ANKRD44: variants seen among roughly 807,000 people sequenced by gnomAD.
The protein encoded by ANKRD44 is ankyrin repeat domain 44, also known as serine/threonine-protein phosphatase 6 regulatory ankyrin repeat subunit B.
ANKRD44 carries 35 observed loss-of-function variants against 116.0 expected under a neutral mutation model. That is an observed-to-expected ratio of 0.30 (90% CI 0.23 to 0.40). The LOEUF (loss-of-function observed/expected upper bound fraction) is 0.40. Ranked by LOEUF, ANKRD44 falls within the 10% of genes least tolerant of loss-of-function variation. The pLI, the probability that ANKRD44 is intolerant of heterozygous loss-of-function variation, is 1.00. For synonymous variants in ANKRD44, 435 were observed against 461.8 expected (o/e 0.94, Z 0.74); for missense variants, 1,014 against 1,242.6 (o/e 0.82, Z 2.77).
intron 13 of ANKRD44, 60 bp from the exon 14 acceptor site, chr2:197,083,569 C>A: frequency 1.3e-6 from 2 of 1,557,320 alleles, no homozygotes; most frequent in Non-Finnish European, 1.7e-6. Context: ...CTGTTGTTGG[C>A]ACTAGCACTG....
intron 1 of ANKRD44, among the ~76,000 whole-genome samples, chr2:197,191,959 T>C (rs2579411): frequency 0.39 from 59,989 of 151,986 alleles, 15,318 homozygotes; most frequent in African/African-American, 0.73. Context: ...GTCAATTCCA[T>C]GAAAAAAATA....
chr2:197,103,579 T>C (rs1373848110), intron 9 of ANKRD44, among the ~76,000 whole-genome samples: 1 of 152,204 alleles, frequency 6.6e-6, no homozygotes, highest in African/African-American at 2.4e-5. Context: ...TTTGTACTGA[T>C]GTCTAAACCA....
chr2:197,000,634 A>G (rs1269879069), intron 22 of ANKRD44, 132 bp from the exon 23 acceptor site: 5 of 703,120 alleles, frequency 7.1e-6, no homozygotes, highest in South Asian at 1.8e-5. Flanking sequence ...TATTTGTGGT[A>G]TATGTTTCAA....
At chr2:197,023,138 G>A (rs1405498472) in intron 17 of ANKRD44, among the ~76,000 whole-genome samples, 2 of 152,170 alleles carry the variant, frequency 1.3e-5, no homozygotes, top group Non-Finnish European at 2.9e-5. Flanking sequence ...GCTAGCTCAT[G>A]GCACATATGT....
At chr2:197,054,980 T>A (rs1223411527) in intron 16 of ANKRD44, among the ~76,000 whole-genome samples, 1 of 152,284 alleles carries the variant, frequency 6.6e-6, no homozygotes. Flanking sequence ...CAAATCTCCC[T>A]CACAGAGCAA....
intron 4 of ANKRD44, among the ~76,000 whole-genome samples, chr2:197,131,846 G>C (rs536388004): frequency 6.6e-6 from 1 of 152,120 alleles, no homozygotes; most frequent in Non-Finnish European, 1.5e-5. Context: ...TTCCATAAAC[G>C]TGCGTTAGAC....
intron 1 of ANKRD44, among the ~76,000 whole-genome samples, chr2:197,189,700 A>G (rs1362833448): frequency 1.3e-5 from 2 of 152,226 alleles, no homozygotes; most frequent in African/African-American, 4.8e-5. Flanking sequence ...AACCTCCACA[A>G]CCAGAGAACG....
At position 197,310,583 on chromosome 2, in the gene ANKRD44, C is replaced by G. The variant is rs2084228010; in HGVS notation, c.22G>C (p.Asp8His). MAVLKLTDQPPLVQAIFS... is the reference protein window; with the variant it reads MAVLKLTHQPPLVQAIFS... ...CCGGCGCCGCCGCCCGCTACCTGGT[C>G]GGTGAGTTTGAGCACTGCCATTCTT... The change falls in exon 1 of 28, where the codon GAC (aspartate) becomes CAC (histidine). Residue 8 changes from aspartate to histidine, a missense_variant. Physicochemically the swap from Asp to His is moderately conservative, Grantham distance 81. Coordinates refer to ENST00000282272, the MANE Select transcript of ANKRD44 (RefSeq NM_001195144.2). 7.9e-7 allele frequency: 1 copy of G among 1,261,550 alleles called. No individual in the cohort carries two copies. The highest frequency in any genetic ancestry group is 1.0e-6 in the Non-Finnish European group (1 of 977,548). 78.1% of individuals were successfully genotyped at this position (1,261,550 alleles called of 1,614,324 possible).
chr2:197,114,575 A>G (rs936775731), intron 8 of ANKRD44, among the ~76,000 whole-genome samples: 1 of 152,136 alleles, frequency 6.6e-6, no homozygotes, highest in Non-Finnish European at 1.5e-5. Flanking sequence ...TTTTTCTTTT[A>G]TTCCTAATGC....
At chr2:197,248,634 T>A (rs752403390) in intron 1 of ANKRD44, among the ~76,000 whole-genome samples, 4 of 150,298 alleles carry the variant, frequency 2.7e-5, no homozygotes, top group Admixed American at 6.6e-5. Context: ...CATAGAGACA[T>A]AGATATAGCT....
intron 16 of ANKRD44, among the ~76,000 whole-genome samples, chr2:197,051,742 G>T (rs1464089297): frequency 6.6e-6 from 1 of 151,906 alleles, no homozygotes; most frequent in Non-Finnish European, 1.5e-5. Context: ...TATTCTCTAG[G>T]GCAGAGATTC....
intron 13 of ANKRD44, among the ~76,000 whole-genome samples, chr2:197,086,217 A>G (rs1437346940): frequency 6.6e-6 from 1 of 152,206 alleles, no homozygotes; most frequent in Non-Finnish European, 1.5e-5. Flanking sequence ...GGCATCATTT[A>G]CTTACATAAA....
chr2:196,977,546 T>C (rs139893375), intron 21 of ANKRD44, among the ~76,000 whole-genome samples: 2 of 152,328 alleles, frequency 1.3e-5, no homozygotes, highest in African/African-American at 4.8e-5. Flanking sequence ...GATTTGAACA[T>C]ACATTTGTCC....
At chr2:197,130,420 G>A (rs1208385491) in intron 4 of ANKRD44, among the ~76,000 whole-genome samples, 1 of 152,222 alleles carries the variant, frequency 6.6e-6, no homozygotes, top group Non-Finnish European at 1.5e-5. Context: ...AGTATGACCA[G>A]TGTTTAATCT....
chr2:196,999,647 G>A (rs1409830358), intron 23 of ANKRD44, among the ~76,000 whole-genome samples: 1 of 151,692 alleles, frequency 6.6e-6, no homozygotes, highest in African/African-American at 2.4e-5. Context: ...AGGCTGGAGT[G>A]CAGTGGCACA....
chr2:197,288,075 C>A (rs1436811365), intron 1 of ANKRD44, among the ~76,000 whole-genome samples: 1 of 151,174 alleles, frequency 6.6e-6, no homozygotes, highest in Admixed American at 6.6e-5. Context: ...CTGATGTACT[C>A]CCTCAAGACC....
In ANKRD44 at chr2:196,986,771, G is replaced by T. The variant is rs2075842028; in HGVS notation, c.*2820C>A. Reference sequence around the variant, plus strand: ...TACGTTATTAGAGCATTCAGTAGTTGCAAAAGTATTAAACTGTGCTTGAGA... The same window carrying T: ...TACGTTATTAGAGCATTCAGTAGTTTCAAAAGTATTAAACTGTGCTTGAGA... On this transcript the variant is annotated 3_prime_UTR_variant, in exon 28 of 28. Transcript: ENST00000282272. 1 of 984,662 alleles carries T rather than the reference G, an allele frequency of 1.0e-6. No individual in the cohort carries two copies. The highest frequency in any genetic ancestry group is 1.7e-5 in the African/African-American group (1 of 57,212). 61.0% of individuals were successfully genotyped at this position (984,662 alleles called of 1,614,324 possible).
At chr2:197,053,945 C>A (rs1313607642) in intron 16 of ANKRD44, among the ~76,000 whole-genome samples, 1 of 152,152 alleles carries the variant, frequency 6.6e-6, no homozygotes, top group Non-Finnish European at 1.5e-5. Context: ...TATTCAAGAA[C>A]TAATTTATCA....
chr2:197,206,985 A>G (rs2081222226), intron 1 of ANKRD44, among the ~76,000 whole-genome samples: 1 of 152,250 alleles, frequency 6.6e-6, no homozygotes, highest in Non-Finnish European at 1.5e-5. Context: ...CTACATTTTA[A>G]TTCATCATTC....
Sources: gnomAD v4.1 joint callset for allele counts (sites outside exome capture counted in the v4.1 genomes callset) on GRCh38, gnomAD v4.1.1 for gene constraint, MANE v1.5 for transcripts, NCBI Gene and HGNC (gene_info 2026-07-23, HGNC 2026-07-21) for gene names.